Variants in LARGE1 observed in about 807,000 individuals in gnomAD.
LARGE1 encodes LARGE xylosyl- and glucuronyltransferase 1.
A neutral mutation model predicts 87.6 loss-of-function variants in LARGE1; 43 were observed. That is an observed-to-expected ratio of 0.49 (90% CI 0.38 to 0.63). LARGE1 has a LOEUF of 0.63. LARGE1 is among the 30% of genes least tolerant of loss of function. LARGE1 has a pLI of 0.00. For synonymous variants in LARGE1, 434 were observed against 394.6 expected (o/e 1.10, Z -1.18); for missense variants, 802 against 1,000.2 (o/e 0.80, Z 2.67).
intron 11 of LARGE1, among the ~76,000 whole-genome samples, chr22:33,250,633 G>A (rs1926971111): frequency 6.6e-6 from 1 of 152,148 alleles, no homozygotes; most frequent in Non-Finnish European, 1.5e-5. Flanking sequence ...TGTGATATTA[G>A]CTGTAGGTTT....
At chr22:33,728,979 C>G (rs2083368582) in intron 2 of LARGE1, among the ~76,000 whole-genome samples, 1 of 152,010 alleles carries the variant, frequency 6.6e-6, no homozygotes, top group Non-Finnish European at 1.5e-5. Context: ...TTAACTGTCA[C>G]CCCCCTCCCC....
intron 12 of LARGE1, among the ~76,000 whole-genome samples, chr22:33,295,174 G>T (rs937619572): frequency 6.6e-6 from 1 of 152,290 alleles, no homozygotes; most frequent in Non-Finnish European, 1.5e-5. Context: ...GCCAGTGGGG[G>T]TTAAAGAGAA....
At chr22:33,391,391 C>G (rs1029658829) in intron 7 of LARGE1, among the ~76,000 whole-genome samples, 8 of 151,944 alleles carry the variant, frequency 5.3e-5, no homozygotes, top group Non-Finnish European at 1.2e-4. Flanking sequence ...ACTATGGGAG[C>G]TGGGGTACAG....
chr22:33,852,265 A>C (rs537959116), intron 1 of LARGE1, among the ~76,000 whole-genome samples: 21 of 152,298 alleles, frequency 1.4e-4, no homozygotes, highest in African/African-American at 4.6e-4. Flanking sequence ...GAGCTACAAA[A>C]AGAGGCCTCT....
At chr22:33,587,004 A>C (rs543734677) in intron 5 of LARGE1, among the ~76,000 whole-genome samples, 6 of 152,304 alleles carry the variant, frequency 3.9e-5, no homozygotes, top group African/African-American at 1.4e-4. Context: ...GACATCTTTA[A>C]ACTTTGAAGA....
intron 1 of LARGE1, among the ~76,000 whole-genome samples, chr22:33,841,762 T>A (rs542860522): frequency 6.6e-6 from 1 of 152,276 alleles, no homozygotes; most frequent in Admixed American, 6.5e-5. Context: ...TGGGTCTCCC[T>A]GGGAAAACTA....
chr22:33,630,921 C>T (rs1396370015), intron 3 of LARGE1, among the ~76,000 whole-genome samples: 1 of 151,468 alleles, frequency 6.6e-6, no homozygotes, highest in Admixed American at 6.6e-5. Context: ...GATGTGATCT[C>T]GGCTTACTGC....
chr22:33,324,269 CAAAAA>C (rs1569056191), intron 10 of LARGE1, among the ~76,000 whole-genome samples: 3,717 of 30,536 alleles, frequency 0.12, 240 homozygotes, highest in African/African-American at 0.3. Context: ...GCCAAAAAAA[CAAAAA>C]CAAAAAGCCA....
intron 6 of LARGE1, among the ~76,000 whole-genome samples, chr22:33,490,952 A>G (rs781389280): frequency 2.0e-4 from 30 of 152,136 alleles, no homozygotes; most frequent in Non-Finnish European, 3.5e-4. Flanking sequence ...ATTGTTGCCT[A>G]CATGTTCTCT....
At position 33,686,967 on chromosome 22, in the gene LARGE1, A is replaced by C. The variant is rs1032277349; in HGVS notation, c.107-36299T>G. Among the ~76,000 whole-genome samples, 14 of 152,300 alleles carry C rather than the reference A, an allele frequency of 9.2e-5. No homozygotes were observed. In the Middle Eastern group the frequency reaches 0.01, roughly 111 times the overall value. The stretch of plus-strand genomic sequence containing the variant: ...AACAAAGCTCAATCTCCTTGCTAGC[A>C]TCTGTGAGGCCCCCGATCACGGATG... On this transcript the variant is annotated intron_variant, in intron 2 of 14. Transcript: ENST00000397394.
At chr22:33,836,320 A>G (rs2063108296) in intron 1 of LARGE1, among the ~76,000 whole-genome samples, 1 of 152,182 alleles carries the variant, frequency 6.6e-6, no homozygotes, top group Non-Finnish European at 1.5e-5. Flanking sequence ...TTGCAGAGTT[A>G]TTAGGAGGAT....
intron 9 of LARGE1, among the ~76,000 whole-genome samples, chr22:33,367,393 T>A (rs1057150905): frequency 6.6e-6 from 1 of 152,170 alleles, no homozygotes; most frequent in Non-Finnish European, 1.5e-5. Context: ...TCAATTTGAT[T>A]GCATTTGAAT....
intron 9 of LARGE1, among the ~76,000 whole-genome samples, chr22:33,374,773 A>G (rs970874656): frequency 4.6e-5 from 7 of 152,188 alleles, no homozygotes; most frequent in Non-Finnish European, 1.0e-4. Flanking sequence ...ATTATATAAA[A>G]TTCTTAAAAA....
chr22:33,847,451 T>A (rs1483394375), intron 1 of LARGE1, among the ~76,000 whole-genome samples: 7 of 152,114 alleles, frequency 4.6e-5, no homozygotes. Flanking sequence ...GACATGGGAG[T>A]AACAGTTTTT....
At chr22:33,554,330 C>T (rs968386192) in intron 6 of LARGE1, among the ~76,000 whole-genome samples, 2 of 152,166 alleles carry the variant, frequency 1.3e-5, no homozygotes, top group Non-Finnish European at 2.9e-5. Context: ...GGATTCTACA[C>T]TGGGGCTCAC....
chr22:33,269,929 T>C (rs1415852449), downstream of LARGE1, among the ~76,000 whole-genome samples: 24 of 148,220 alleles, frequency 1.6e-4, 1 homozygote, highest in Admixed American at 1.3e-3. Flanking sequence ...GGTGTGAACC[T>C]GGGAAGCAGA....
At chr22:33,582,783 T>C (rs1266275391) in intron 5 of LARGE1, among the ~76,000 whole-genome samples, 1 of 152,228 alleles carries the variant, frequency 6.6e-6, no homozygotes, top group Non-Finnish European at 1.5e-5. Context: ...ACTCTTGGCA[T>C]CTGAGCCCAA....
intron 4 of LARGE1, among the ~76,000 whole-genome samples, chr22:33,608,471 G>A (rs1046509033): frequency 1.3e-5 from 2 of 152,126 alleles, no homozygotes; most frequent in African/African-American, 4.8e-5. Flanking sequence ...TGCACCTTGT[G>A]TGAAAAGCTC....
intron 6 of LARGE1, among the ~76,000 whole-genome samples, chr22:33,432,514 T>C (rs1254731685): frequency 6.6e-6 from 1 of 152,250 alleles, no homozygotes. Flanking sequence ...AACAGTTAAC[T>C]GATTTGCTGC....
Sources: gnomAD v4.1 joint callset for allele counts (sites outside exome capture counted in the v4.1 genomes callset) on GRCh38, gnomAD v4.1.1 for gene constraint, MANE v1.5 for transcripts, NCBI Gene and HGNC (gene_info 2026-07-23, HGNC 2026-07-21) for gene names.